The following DENND1A variants were observed in gnomAD, a reference collection of about 807,000 sequenced individuals.
The protein encoded by DENND1A is DENN domain-containing protein 1A.
In DENND1A, 51 loss-of-function variants were observed where a neutral mutation model predicts 113.7. The ratio of observed to expected loss-of-function variants is 0.45; its 90% CI spans 0.36 to 0.57. The LOEUF (loss-of-function observed/expected upper bound fraction) is 0.57. Ranked by LOEUF, DENND1A falls within the 20% of genes least tolerant of loss-of-function variation. The probability of loss-of-function intolerance (pLI) is 0.00; values close to 1 mark genes in which losing one functional copy is unlikely to be tolerated. For missense variants in DENND1A, 1,258 were observed against 1,395.9 expected (o/e 0.90, Z 1.57); for synonymous variants, 565 against 570.8 (o/e 0.99, Z 0.14).
intron 1 of DENND1A, among the ~76,000 whole-genome samples, chr9:123,914,544 CAAAAAAA>C (rs1290774207): frequency 3.1e-5 from 2 of 65,258 alleles, no homozygotes; most frequent in South Asian, 5.5e-4. Flanking sequence ...GACTCCATCT[CAAAAAAA>C]AAAAAAAAAA....
At chr9:123,446,566 T>G (rs2047321239) in intron 18 of DENND1A, among the ~76,000 whole-genome samples, 1 of 152,200 alleles carries the variant, frequency 6.6e-6, no homozygotes, top group Admixed American at 6.5e-5. Context: ...ATCAAAGATT[T>G]GTAATCCCAG....
chr9:123,381,306 A>G lies in DENND1A; in HGVS notation c.*126T>C. 1.1e-6 allele frequency: 1 copy of G among 874,974 alleles called. No homozygotes were observed. The highest frequency in any genetic ancestry group is 1.7e-5 in the South Asian group (1 of 60,058). The allele number at this position is 874,974 out of a possible 1,614,324, so 54.2% of individuals were successfully genotyped here. A position where few individuals can be genotyped will look rare whatever the true frequency, so the allele number is the denominator to read the frequency against. On this transcript the variant is annotated 3_prime_UTR_variant, in exon 24 of 24. Coordinates refer to ENST00000394215, the MANE Select transcript of DENND1A (RefSeq NM_001352964.2). The surrounding 1 kb of genome is among the most constrained non-coding windows in gnomAD (Gnocchi z 4.7). ...AGTGTGGAGGGGAGGAGGGGGCAGCAGAGAGGGGTCCCATCCCTTCCCACC... is the reference window on the plus strand; with the variant it reads ...AGTGTGGAGGGGAGGAGGGGGCAGCGGAGAGGGGTCCCATCCCTTCCCACC...
chr9:123,626,394 G>A (rs891108656), intron 10 of DENND1A, among the ~76,000 whole-genome samples: 19 of 151,864 alleles, frequency 1.3e-4, no homozygotes, highest in Non-Finnish European at 2.5e-4. Context: ...CATGCTAAGG[G>A]GGCTGGATGT....
intron 16 of DENND1A, among the ~76,000 whole-genome samples, chr9:123,453,360 GGGA>G (rs2047878068): frequency 6.6e-6 from 1 of 152,186 alleles, no homozygotes; most frequent in Non-Finnish European, 1.5e-5. Context: ...TGTAGGAGAC[GGGA>G]GGAGAACATT....
At chr9:123,456,848 GCA>G (rs2048165147) in intron 15 of DENND1A, 1 of 153,008 alleles carries the variant, frequency 6.5e-6, no homozygotes, top group Non-Finnish European at 1.5e-5. Flanking sequence ...AAAACTTACT[GCA>G]CACAGTCCCC....
At chr9:123,793,225 T>C (rs1833272790) in intron 2 of DENND1A, among the ~76,000 whole-genome samples, 1 of 152,202 alleles carries the variant, frequency 6.6e-6, no homozygotes, top group Non-Finnish European at 1.5e-5. Context: ...GAAAAAATTA[T>C]GTTCCAGCTG....
At chr9:123,542,308 T>C (rs1233322900) in intron 13 of DENND1A, among the ~76,000 whole-genome samples, 1 of 152,164 alleles carries the variant, frequency 6.6e-6, no homozygotes, top group African/African-American at 2.4e-5. Context: ...GTTGAGGTAA[T>C]AGGGTTCAGA....
At chr9:123,706,425 A>G (rs10818861) in intron 5 of DENND1A, among the ~76,000 whole-genome samples, 11,229 of 151,884 alleles carry the variant, frequency 0.074, 545 homozygotes, top group African/African-American at 0.13. Flanking sequence ...ATTTTTCAAC[A>G]TAAGATATGG....
chr9:123,483,257 A>C (rs2050498953), intron 13 of DENND1A, among the ~76,000 whole-genome samples: 1 of 152,156 alleles, frequency 6.6e-6, no homozygotes, highest in Non-Finnish European at 1.5e-5. Context: ...AGTCCAGCAG[A>C]GGCCCCATGC....
At chr9:123,742,121 C>T (rs1261758854) in intron 5 of DENND1A, among the ~76,000 whole-genome samples, 1 of 152,130 alleles carries the variant, frequency 6.6e-6, no homozygotes, top group Non-Finnish European at 1.5e-5. Flanking sequence ...CCTCACAGCT[C>T]TGCCAGTTGG....
At chr9:123,705,200 A>C (rs1388488705) in intron 5 of DENND1A, among the ~76,000 whole-genome samples, 1 of 152,218 alleles carries the variant, frequency 6.6e-6, no homozygotes, top group Non-Finnish European at 1.5e-5. Flanking sequence ...AGAGCAAAAA[A>C]GAATCTCCTT....
chr9:123,421,055 C>T (rs1300804442), intron 19 of DENND1A, among the ~76,000 whole-genome samples: 1 of 146,916 alleles, frequency 6.8e-6, no homozygotes, highest in Admixed American at 6.8e-5. Flanking sequence ...AGGAGGCAGG[C>T]GCCTTGCTGC....
At chr9:123,486,543 C>T (rs533120758) in intron 13 of DENND1A, among the ~76,000 whole-genome samples, 107 of 152,090 alleles carry the variant, frequency 7.0e-4, no homozygotes, top group South Asian at 4.4e-3. Context: ...CCTAAAGCAC[C>T]CCTTTGATCT....
At chr9:123,771,219 T>C (rs565370791) in intron 3 of DENND1A, among the ~76,000 whole-genome samples, 1 of 152,196 alleles carries the variant, frequency 6.6e-6, no homozygotes. Flanking sequence ...CAATAGGTAA[T>C]ACAGAATCAG....
chr9:123,797,045 T>TAA (rs754145441), intron 2 of DENND1A, among the ~76,000 whole-genome samples: 92 of 152,294 alleles, frequency 6.0e-4, no homozygotes, highest in Middle Eastern at 6.8e-3. Context: ...TGTTAGGTAT[T>TAA]CAAGGCAGAA....
chr9:123,398,812 G>A (rs1341741088), intron 21 of DENND1A, among the ~76,000 whole-genome samples: 1 of 114,502 alleles, frequency 8.7e-6, no homozygotes, highest in Non-Finnish European at 1.9e-5. Context: ...TTTTTTTTTT[G>A]GAGACAGAGT....
chr9:123,607,539 A>AGTGTGTGT (rs2060221791), intron 11 of DENND1A, among the ~76,000 whole-genome samples: 2 of 127,890 alleles, frequency 1.6e-5, no homozygotes, highest in African/African-American at 5.9e-5. Flanking sequence ...AGAGAGAGAG[A>AGTGTGTGT]GAGAGAGAGT....
chr9:123,735,830 C>G lies in DENND1A; in HGVS notation c.302+21873G>C, dbSNP rs144324475. Among the ~76,000 whole-genome samples, 279 of 152,204 alleles carry G rather than the reference C, an allele frequency of 1.8e-3. 5 individuals are homozygous for G. In the East Asian group the frequency reaches 0.025, roughly 14 times the overall value. Reference sequence around the variant, plus strand: ...CCTGGCCAACATGGTGAAACCCTGTCTCTTCCAAAAATACAAAAATTAGCC... The same window carrying G: ...CCTGGCCAACATGGTGAAACCCTGTGTCTTCCAAAAATACAAAAATTAGCC... On this transcript the variant is annotated intron_variant, in intron 5 of 23. Transcript: ENST00000394215.
chr9:123,754,298 T>C (rs908715572), intron 5 of DENND1A, among the ~76,000 whole-genome samples: 9 of 152,186 alleles, frequency 5.9e-5, no homozygotes, highest in African/African-American at 2.2e-4. Context: ...CAACCAGTCA[T>C]CCAGCTTTAA....
Sources: gnomAD v4.1 joint callset for allele counts (sites outside exome capture counted in the v4.1 genomes callset) on GRCh38, gnomAD v4.1.1 for gene constraint, Gnocchi (gnomAD v3.1) non-coding constraint, MANE v1.5 for transcripts, NCBI Gene and HGNC (gene_info 2026-07-23, HGNC 2026-07-21) for gene names.